Variants in HKDC1 observed in about 807,000 individuals in gnomAD.
HKDC1 encodes hexokinase HKDC1.
HKDC1 carries 66 observed loss-of-function variants against 96.6 expected under a neutral mutation model. That is an observed-to-expected ratio of 0.68 (90% CI 0.56 to 0.84). The LOEUF is 0.84. HKDC1 is among the 40% of genes least tolerant of loss of function. The pLI is 0.00. For missense variants in HKDC1, 1,211 were observed against 1,208.1 expected (o/e 1.00, Z -0.04); for synonymous variants, 466 against 473.1 (o/e 0.98, Z 0.20).
At chr10:69,228,447 G>C (rs1328228413) in intron 2 of HKDC1, among the ~76,000 whole-genome samples, 1 of 152,170 alleles carries the variant, frequency 6.6e-6, no homozygotes, top group Non-Finnish European at 1.5e-5. Context: ...TAGGATGTGA[G>C]CATCTTTGTT....
At chr10:69,223,517 T>G (rs751587408) in intron 1 of HKDC1, among the ~76,000 whole-genome samples, 13 of 151,862 alleles carry the variant, frequency 8.6e-5, no homozygotes, top group Non-Finnish European at 1.9e-4. Flanking sequence ...AACCTTTTCC[T>G]CTTGTTGGAC....
chr10:69,247,447 T>G lies in HKDC1; in HGVS notation c.1119T>G (p.His373Gln). The stretch of plus-strand genomic sequence containing the variant: ...AGGCTGACTGCATTGCCGTCCAGCA[T>G]GTCTGTACCATCGTCTCCTTCCGCT... ...PSEADCIAVQHVCTIVSFRSA... is the reference protein window; with the variant it reads ...PSEADCIAVQQVCTIVSFRSA... Residue 373 changes from histidine (H) to glutamine (Q), a missense_variant, in exon 9 of 18, where the codon CAT (histidine) becomes CAG (glutamine). Transcript: ENST00000354624. 6.2e-7 allele frequency: 1 copy of G among 1,614,158 alleles called. No individual in the cohort carries two copies. Among genetic ancestry groups the G allele is most frequent in the Non-Finnish European group, 8.5e-7 (1 of 1,180,034 alleles).
At chr10:69,241,671 G>A (rs1843458945) in intron 6 of HKDC1, among the ~76,000 whole-genome samples, 1 of 152,128 alleles carries the variant, frequency 6.6e-6, no homozygotes, top group Non-Finnish European at 1.5e-5. Context: ...TTTTAGTACA[G>A]ATGGGGTTTC....
At chr10:69,242,467 G>A (rs1328978056) in intron 6 of HKDC1, among the ~76,000 whole-genome samples, 1 of 135,450 alleles carries the variant, frequency 7.4e-6, no homozygotes, top group Non-Finnish European at 1.6e-5. Context: ...AATTCAAACA[G>A]CTTTATTGAG....
chr10:69,242,426 G>GAAAAAAAAAAAA (rs1294586012), intron 6 of HKDC1, among the ~76,000 whole-genome samples: 7 of 31,222 alleles, frequency 2.2e-4, no homozygotes, highest in Admixed American at 3.8e-4. Flanking sequence ...GGAAGATACT[G>GAAAAAAAAAAAA]AAGAAAAAAA....
intron 12 of HKDC1, among the ~76,000 whole-genome samples, chr10:69,254,650 G>A (rs1459031577): frequency 1.3e-5 from 2 of 152,070 alleles, no homozygotes; most frequent in Non-Finnish European, 2.9e-5. Flanking sequence ...TGTGTTTTGT[G>A]GTTTTATTTT....
rs759134508 is a variant in HKDC1, at chr10:69,266,654, G to A, written c.2651G>A (p.Arg884Gln). 5.6e-6 allele frequency: 9 copies of A among 1,613,974 alleles called. No individual in the cohort carries two copies. Among genetic ancestry groups the A allele is most frequent in the East Asian group, 2.2e-5 (1 of 44,898 alleles). ...GAAACTGTGAAGGAACTAGCCCCTC[G>A]ATGTGATGTGACATTCATGCTGTCA... is the stretch of plus-strand genomic sequence containing the variant. ...LQETVKELAP[R>Q]CDVTFMLSED... The change falls in exon 18 of 18, where the codon CGA becomes CAA. Residue 884 changes from arginine (R) to glutamine (Q), a missense_variant. By Grantham distance (43) the Arg-to-Gln change is conservative. Transcript: ENST00000354624.
intron 15 of HKDC1, among the ~76,000 whole-genome samples, 186 bp downstream of exon 15, chr10:69,259,145 C>T (rs535919295): frequency 2.7e-4 from 41 of 152,280 alleles, no homozygotes; most frequent in Middle Eastern, 6.8e-3. Flanking sequence ...GGAAAAGTCC[C>T]TTTTTCTAAT....
intron 7 of HKDC1, among the ~76,000 whole-genome samples, chr10:69,244,166 A>G (rs1417210982): frequency 1.3e-5 from 2 of 152,062 alleles, no homozygotes; most frequent in African/African-American, 4.8e-5. Context: ...AAATTGTTTC[A>G]GATTTGGCCA....
chr10:69,244,038 C>A (rs61868681), intron 7 of HKDC1, among the ~76,000 whole-genome samples: 2 of 151,852 alleles, frequency 1.3e-5, no homozygotes, highest in Admixed American at 1.3e-4. Flanking sequence ...CCGAACTCGT[C>A]GTGTTCGCAT....
At chr10:69,234,213 C>T (rs1246050973) in intron 4 of HKDC1, among the ~76,000 whole-genome samples, 1 of 152,116 alleles carries the variant, frequency 6.6e-6, no homozygotes, top group African/African-American at 2.4e-5. Flanking sequence ...GGTTATGATG[C>T]CCAGTTGACA....
rs373547937 is a variant in HKDC1, at chr10:69,265,750, A to C, written c.2538A>C (p.Glu846Asp). The change falls in exon 17 of 18, where the codon GAA becomes GAC. Residue 846 changes from glutamate (E) to aspartate (D), a missense_variant. By Grantham distance (45) the Glu-to-Asp change is conservative (BLOSUM62 2). Transcript: ENST00000354624. ...GLAAIVEKRR[E>D]DQGLEHLRIT... ...CCGCTATAGTGGAAAAAAGGAGAGA[A>C]GACCAGGGGCTAGAGCACCTGAGGA... 1 of 1,613,252 alleles carries C rather than the reference A, an allele frequency of 6.2e-7. No individual in the cohort carries two copies. Among genetic ancestry groups the C allele is most frequent in the African/African-American group, 1.3e-5 (1 of 74,986 alleles).
chr10:69,228,552 A>G (rs1254214843), intron 2 of HKDC1, among the ~76,000 whole-genome samples: 1 of 152,164 alleles, frequency 6.6e-6, no homozygotes, highest in Non-Finnish European at 1.5e-5. Flanking sequence ...CAGCCTCTGA[A>G]TGAAGCTGTA....
At chr10:69,257,773 C>T (rs1196408629) in intron 14 of HKDC1, among the ~76,000 whole-genome samples, 1 of 152,142 alleles carries the variant, frequency 6.6e-6, no homozygotes, top group Non-Finnish European at 1.5e-5. Flanking sequence ...CAATGTGTGC[C>T]TCTTCTGTTC....
At chr10:69,257,686 G>C (rs561044458) in intron 14 of HKDC1, among the ~76,000 whole-genome samples, 3 of 121,406 alleles carry the variant, frequency 2.5e-5, no homozygotes, top group South Asian at 2.3e-4. Flanking sequence ...CAATTGTCAT[G>C]GGGGGGGGAA....
chr10:69,227,183 C>A, intron 1 of HKDC1, 24 bp from the exon 2 acceptor site: 1 of 1,613,436 alleles, frequency 6.2e-7, no homozygotes, highest in Non-Finnish European at 8.5e-7. Context: ...AGCAGCACCC[C>A]TTGGTGGCCG....
At chr10:69,243,547 A>T (rs1169934852) in intron 7 of HKDC1, among the ~76,000 whole-genome samples, 182 bp downstream of exon 7, 2 of 150,440 alleles carry the variant, frequency 1.3e-5, no homozygotes, top group Non-Finnish European at 3.0e-5. Flanking sequence ...CCCAGGCTGA[A>T]GTGCGGTGGC....
rs192377337 is a variant in HKDC1 at position 69,226,632 on chromosome 10, G to A, written c.64-575G>A. Among the ~76,000 whole-genome samples the A allele has an allele frequency of 4.7e-4, 71 of 151,672 alleles. 1 individual carries two copies. Among genetic ancestry groups the A allele is most frequent in the African/African-American group, 1.7e-3 (69 of 41,444 alleles). On this transcript the variant is annotated intron_variant, in intron 1 of 17. Coordinates refer to ENST00000354624, the MANE Select transcript of HKDC1 (RefSeq NM_025130.4). ...ATCTCATCACTGCACTCCAGCCTGGGCGACAGAGTGAGACTCTGTCTTAAA... is the reference window on the plus strand; with the variant it reads ...ATCTCATCACTGCACTCCAGCCTGGACGACAGAGTGAGACTCTGTCTTAAA...
chr10:69,243,103 TC>T, intron 6 of HKDC1, 78 bp from the exon 7 acceptor site: 2 of 1,417,306 alleles, frequency 1.4e-6, no homozygotes, highest in Non-Finnish European at 2.0e-6. Flanking sequence ...TGAGGAGGAC[TC>T]CCCAGCAGTC....
Sources: gnomAD v4.1 joint callset for allele counts (sites outside exome capture counted in the v4.1 genomes callset) on GRCh38, gnomAD v4.1.1 for gene constraint, MANE v1.5 for transcripts, NCBI Gene and HGNC (gene_info 2026-07-23, HGNC 2026-07-21) for gene names.